OPCML: variants seen among roughly 807,000 people sequenced by gnomAD.
OPCML encodes the protein opioid-binding protein/cell adhesion molecule.
OPCML carries 13 observed loss-of-function variants against 37.8 expected under a neutral mutation model. The ratio of observed to expected loss-of-function variants is 0.34; its 90% CI spans 0.22 to 0.55. The LOEUF (loss-of-function observed/expected upper bound fraction) is 0.55, where lower values mean the gene tolerates loss of function less well. Ranked by LOEUF, OPCML falls within the 20% of genes least tolerant of loss-of-function variation. OPCML has a pLI of 0.91. For missense variants in OPCML, 341 were observed against 435.6 expected (o/e 0.78, Z 1.93); for synonymous variants, 176 against 168.8 (o/e 1.04, Z -0.33).
At chr11:132,700,783 G>A (rs1385957026) in intron 2 of OPCML, among the ~76,000 whole-genome samples, 2 of 152,132 alleles carry the variant, frequency 1.3e-5, no homozygotes, top group Admixed American at 1.3e-4. Context: ...TGTTCTGTAT[G>A]TGTCTGTTAG....
chr11:132,840,203 G>A (rs1221675820), intron 2 of OPCML, among the ~76,000 whole-genome samples: 2 of 152,202 alleles, frequency 1.3e-5, no homozygotes, highest in African/African-American at 4.8e-5. Flanking sequence ...CATTTAGCTT[G>A]CATGTGTAGG....
chr11:132,710,234 C>G (rs1944205775), intron 2 of OPCML, among the ~76,000 whole-genome samples: 1 of 151,910 alleles, frequency 6.6e-6, no homozygotes, highest in Admixed American at 6.6e-5. Context: ...AAACAGTTGT[C>G]TATTAGGAAG....
chr11:133,367,231 C>T (rs1944562773), intron 1 of OPCML, among the ~76,000 whole-genome samples: 1 of 152,170 alleles, frequency 6.6e-6, no homozygotes, highest in Non-Finnish European at 1.5e-5. Flanking sequence ...CCTGCCTCAG[C>T]CTCCCAAAGT....
intron 2 of OPCML, among the ~76,000 whole-genome samples, chr11:132,850,885 T>C (rs889245971): frequency 6.6e-6 from 1 of 152,214 alleles, no homozygotes; most frequent in Admixed American, 6.5e-5. Context: ...CATTTTTTTC[T>C]GCCTTTACCA....
Position 132,418,206 on chromosome 11 carries a change from T to A in OPCML, c.*1987A>T, listed in dbSNP as rs2095945107. The stretch of plus-strand genomic sequence containing the variant: ...ATTCAATGGTGCTCATATTTTTTAT[T>A]TTTTAGACTGAGGGCCTGAAAAGGT... On this transcript the variant is annotated 3_prime_UTR_variant, in exon 8 of 8. Coordinates refer to ENST00000524381, the MANE Select transcript of OPCML (RefSeq NM_001012393.5). 1 of 152,222 alleles carries A rather than the reference T, an allele frequency of 6.6e-6. No individual in the cohort carries two copies. Among genetic ancestry groups the A allele is most frequent in the South Asian group, 2.1e-4 (1 of 4,834 alleles). The allele number at this position is 152,222 out of a possible 1,614,324, so 9.4% of individuals were successfully genotyped here. A position where few individuals can be genotyped will look rare whatever the true frequency, so the allele number is the denominator to read the frequency against.
At chr11:132,785,144 A>G (rs949650445) in intron 2 of OPCML, among the ~76,000 whole-genome samples, 1 of 152,256 alleles carries the variant, frequency 6.6e-6, no homozygotes, top group African/African-American at 2.4e-5. Flanking sequence ...TTCAGTCCAC[A>G]TAGCATTTTC....
intron 3 of OPCML, among the ~76,000 whole-genome samples, chr11:132,555,738 C>A (rs935612091): frequency 4.6e-5 from 7 of 152,080 alleles, no homozygotes; most frequent in African/African-American, 1.7e-4. Flanking sequence ...ATCCATTTTG[C>A]TCACTGTTAA....
intron 2 of OPCML, among the ~76,000 whole-genome samples, chr11:132,831,552 C>A (rs2136279205): frequency 6.6e-6 from 1 of 152,230 alleles, no homozygotes; most frequent in South Asian, 2.1e-4. Context: ...TCTACTTAGA[C>A]ATATTTTCTT....
chr11:132,439,321 C>T (rs1043504151), intron 4 of OPCML, among the ~76,000 whole-genome samples: 7 of 152,158 alleles, frequency 4.6e-5, no homozygotes, highest in South Asian at 2.1e-4. Flanking sequence ...TGCTCACCCC[C>T]GATGGTTCCA....
intron 1 of OPCML, among the ~76,000 whole-genome samples, chr11:133,178,008 T>C (rs1592076772): frequency 6.6e-6 from 1 of 152,164 alleles, no homozygotes; most frequent in South Asian, 2.1e-4. Context: ...GTTTTGTCAA[T>C]ACACATATTC....
At chr11:133,006,463 T>C (rs1275310830) in intron 1 of OPCML, 2 of 985,334 alleles carry the variant, frequency 2.0e-6, no homozygotes, top group Non-Finnish European at 2.4e-6. Flanking sequence ...GTGAGCTCTT[T>C]AAAGGATCAA....
chr11:132,896,803 T>C (rs1943869333), intron 2 of OPCML, among the ~76,000 whole-genome samples: 1 of 152,220 alleles, frequency 6.6e-6, no homozygotes, highest in Admixed American at 6.5e-5. Flanking sequence ...GCACGGGAGA[T>C]AATCCAATTA....
In OPCML at chr11:133,145,563, G is replaced by A. The variant is rs912166806; in HGVS notation, c.62-202553C>T. On this transcript the variant is annotated intron_variant, in intron 1 of 7. Coordinates refer to ENST00000524381, the MANE Select transcript of OPCML (RefSeq NM_001012393.5). ...TCAAATGTGAGGCTTAAATACTTGT[G>A]CTTTCTTCTGAATGCAATGAAGAGC... Among the ~76,000 whole-genome samples the A allele has an allele frequency of 9.2e-5, 14 of 152,334 alleles. No homozygotes were observed. In the South Asian group the frequency reaches 1.7e-3, roughly 18 times the overall value.
At chr11:132,732,227 A>C (rs1023347600) in intron 2 of OPCML, among the ~76,000 whole-genome samples, 1 of 152,182 alleles carries the variant, frequency 6.6e-6, no homozygotes, top group East Asian at 1.9e-4. Flanking sequence ...CAGAAGTTGG[A>C]AGAGAGGTGA....
intron 1 of OPCML, among the ~76,000 whole-genome samples, chr11:132,954,648 G>C (rs573960120): frequency 6.6e-6 from 1 of 152,140 alleles, no homozygotes; most frequent in Non-Finnish European, 1.5e-5. Context: ...TGGATATTTC[G>C]GTGTTGAGCC....
At chr11:133,080,091 C>A (rs1295291477) in intron 1 of OPCML, among the ~76,000 whole-genome samples, 1 of 152,136 alleles carries the variant, frequency 6.6e-6, no homozygotes, top group South Asian at 2.1e-4. Flanking sequence ...TGAATAGGGT[C>A]CCCACTCACC....
At chr11:132,873,291 T>C (rs1476082944) in intron 2 of OPCML, among the ~76,000 whole-genome samples, 1 of 152,226 alleles carries the variant, frequency 6.6e-6, no homozygotes, top group East Asian at 1.9e-4. Context: ...ACATTAAGCA[T>C]CCTAGCAGAT....
At position 132,694,179 on chromosome 11, in the gene OPCML, C is replaced by CTTTTTTT. The variant is rs1162305568; in HGVS notation, c.147-36867_147-36861dup. Among the ~76,000 whole-genome samples, 39 of 43,016 alleles carry CTTTTTTT rather than the reference C, an allele frequency of 9.1e-4. 6 individuals are homozygous for CTTTTTTT. The highest frequency in any genetic ancestry group is 3.0e-3 in the African/African-American group (33 of 11,034). 28.2% of individuals were successfully genotyped at this position (43,016 alleles called of 152,430 possible). A position where few individuals can be genotyped will look rare whatever the true frequency, so the allele number is the denominator to read the frequency against. On this transcript the variant is annotated intron_variant, in intron 2 of 7. Coordinates refer to ENST00000524381, the MANE Select transcript of OPCML (RefSeq NM_001012393.5). ...GAGTTTCGTTCTGTGAAATCAATGT[C>CTTTTTTT]TTTTTTTTTTTTTTTTTTTTTTTTT...
intron 1 of OPCML, among the ~76,000 whole-genome samples, chr11:133,110,942 G>C (rs765663680): frequency 2.6e-5 from 4 of 151,996 alleles, no homozygotes; most frequent in African/African-American, 4.8e-5. Context: ...AAACCTTTCT[G>C]GTCCTTTGTT....
Sources: allele counts gnomAD v4.1 joint callset (sites outside exome capture counted in the v4.1 genomes callset), GRCh38; gene constraint gnomAD v4.1.1; transcripts MANE v1.5; gene names NCBI Gene and HGNC (gene_info 2026-07-23, HGNC 2026-07-21).